The following SOHLH2 variants were observed in gnomAD, a reference collection of about 807,000 sequenced individuals.
The protein encoded by SOHLH2 is spermatogenesis- and oogenesis-specific basic helix-loop-helix-containing protein 2.
SOHLH2 carries 22 observed loss-of-function variants against 50.4 expected under a neutral mutation model. That is an observed-to-expected ratio of 0.44 (90% CI 0.31 to 0.62). The LOEUF is 0.62. Among genes scored for constraint, SOHLH2 ranks in the 20% least tolerant of loss-of-function variants. The probability of loss-of-function intolerance (pLI) is 0.08; values close to 1 mark genes in which losing one functional copy is unlikely to be tolerated. For synonymous variants in SOHLH2, 185 were observed against 187.3 expected, an observed-to-expected ratio of 0.99 and a Z score of 0.10; for missense variants, 412 against 504.4, an observed-to-expected ratio of 0.82 and a Z score of 1.76.
In SOHLH2 at chr13:36,187,520, C is replaced by A. The variant is rs537929140; in HGVS notation, c.641+2426G>T. On this transcript the variant is annotated intron_variant, in intron 6 of 10. Coordinates refer to ENST00000379881, the MANE Select transcript of SOHLH2 (RefSeq NM_017826.3). ...TGGCCAGCGGGCCCTAAGTCTTGAC[C>A]TAGCAAGGCAGCAGTCATGGGAATG... Among the ~76,000 whole-genome samples the A allele has an allele frequency of 3.3e-5, 5 of 152,260 alleles. No individual in the cohort carries two copies. The East Asian group carries it at 7.8e-4, about 24-fold the overall frequency.
chr13:36,204,953 C>T (rs1480173082), intron 1 of SOHLH2, among the ~76,000 whole-genome samples: 1 of 152,110 alleles, frequency 6.6e-6, no homozygotes, highest in Non-Finnish European at 1.5e-5. Flanking sequence ...ACTTTCATAT[C>T]GATTTTGCAT....
At chr13:36,180,033 T>G (rs1321966827) in intron 6 of SOHLH2, among the ~76,000 whole-genome samples, 1 of 152,218 alleles carries the variant, frequency 6.6e-6, no homozygotes, top group Non-Finnish European at 1.5e-5. Context: ...GAGTGTTTTC[T>G]CTTTGGTAAG....
At chr13:36,188,977 C>A (rs528973451) in intron 6 of SOHLH2, among the ~76,000 whole-genome samples, 1 of 152,288 alleles carries the variant, frequency 6.6e-6, no homozygotes, top group South Asian at 2.1e-4. Flanking sequence ...TCAAGCTCAA[C>A]AAGAGTAAAA....
intron 2 of SOHLH2, among the ~76,000 whole-genome samples, chr13:36,196,079 A>G (rs1312122774): frequency 1.4e-5 from 2 of 145,592 alleles, no homozygotes; most frequent in African/African-American, 2.6e-5. Flanking sequence ...ATAAATATAT[A>G]CATTTTAGAC....
intron 8 of SOHLH2, 145 bp downstream of exon 8, chr13:36,174,331 A>T: frequency 1.1e-6 from 1 of 944,440 alleles, no homozygotes; most frequent in Non-Finnish European, 1.6e-6. Context: ...ACGAAATGAT[A>T]CACATCGGCA....
At chr13:36,202,641 A>C (rs1868495561) in intron 1 of SOHLH2, among the ~76,000 whole-genome samples, 1 of 152,216 alleles carries the variant, frequency 6.6e-6, no homozygotes, top group Admixed American at 6.5e-5. Context: ...AGATATTTTC[A>C]AGTATATTCA....
At chr13:36,175,797 A>T (rs2138271048) in intron 6 of SOHLH2, among the ~76,000 whole-genome samples, 1 of 152,184 alleles carries the variant, frequency 6.6e-6, no homozygotes, top group South Asian at 2.1e-4. Context: ...GCTCTGAGGA[A>T]CTCTGGGGGC....
chr13:36,195,389 G>A (rs1414362081), intron 2 of SOHLH2, among the ~76,000 whole-genome samples: 3 of 152,154 alleles, frequency 2.0e-5, no homozygotes, highest in African/African-American at 7.2e-5. Context: ...GAAGGTACAA[G>A]ATGTCCAGGA....
At chr13:36,203,712 T>C (rs574640411) in intron 1 of SOHLH2, among the ~76,000 whole-genome samples, 1 of 152,316 alleles carries the variant, frequency 6.6e-6, no homozygotes, top group African/African-American at 2.4e-5. Context: ...TTTTGTATTG[T>C]GAGCAAAAAA....
chr13:36,188,787 T>C (rs1325197601), intron 6 of SOHLH2, among the ~76,000 whole-genome samples: 1 of 152,180 alleles, frequency 6.6e-6, no homozygotes, highest in Non-Finnish European at 1.5e-5. Context: ...TAAGGTTCTT[T>C]TCTCCACTAG....
intron 2 of SOHLH2, 38 bp from the exon 3 acceptor site, chr13:36,193,905 C>A (rs1447144627): frequency 1.9e-6 from 3 of 1,571,016 alleles, no homozygotes; most frequent in South Asian, 1.2e-5. Context: ...GAAGCAAAAT[C>A]ATTATTCAAA....
intron 6 of SOHLH2, among the ~76,000 whole-genome samples, chr13:36,175,154 C>T (rs1887066734): frequency 6.6e-6 from 1 of 152,228 alleles, no homozygotes; most frequent in Non-Finnish European, 1.5e-5. Flanking sequence ...AGGCCTGCTG[C>T]AGAGCGCAGG....
chr13:36,183,168 A>G, intron 6 of SOHLH2: 1 of 388,788 alleles, frequency 2.6e-6, no homozygotes. Context: ...GGCTCACCAG[A>G]AACAGAAGCT....
At chr13:36,191,989 C>T in intron 4 of SOHLH2, 95 bp from the exon 5 acceptor site, 6 of 1,290,642 alleles carry the variant, frequency 4.6e-6, no homozygotes, top group Non-Finnish European at 6.5e-6. Context: ...ATGCAGTTGT[C>T]TTTTACTCAA....
intron 2 of SOHLH2, among the ~76,000 whole-genome samples, chr13:36,200,788 C>T (rs1489216435): frequency 6.6e-6 from 1 of 151,980 alleles, no homozygotes; most frequent in East Asian, 1.9e-4. Flanking sequence ...TGGTGGCTCA[C>T]CCCTGTAATC....
At chr13:36,209,691 C>A (rs943418599) in intron 1 of SOHLH2, among the ~76,000 whole-genome samples, 1 of 152,210 alleles carries the variant, frequency 6.6e-6, no homozygotes, top group South Asian at 2.1e-4. Flanking sequence ...GTAGAGGGCA[C>A]AAACATTCAG....
chr13:36,208,858 A>C (rs1310559353), intron 1 of SOHLH2, among the ~76,000 whole-genome samples: 1 of 152,206 alleles, frequency 6.6e-6, no homozygotes, highest in Admixed American at 6.5e-5. Flanking sequence ...TAAGGTCAAA[A>C]TCACTTTGTC....
chr13:36,203,877 G>A (rs1868581452), intron 1 of SOHLH2, among the ~76,000 whole-genome samples: 1 of 150,680 alleles, frequency 6.6e-6, no homozygotes, highest in South Asian at 2.1e-4. Context: ...ATTGCTTTGT[G>A]GGAGTTTATA....
At chr13:36,191,650 AGTTGAATACTT>A in intron 5 of SOHLH2, 134 bp downstream of exon 5, 1 of 877,086 alleles carries the variant, frequency 1.1e-6, no homozygotes, top group Non-Finnish European at 1.7e-6. Context: ...CCTTATATTA[AGTTGAATACTT>A]CTGTAATGTG....
Sources: gnomAD v4.1 joint callset for allele counts (sites outside exome capture counted in the v4.1 genomes callset) on GRCh38, gnomAD v4.1.1 for gene constraint, MANE v1.5 for transcripts, NCBI Gene and HGNC (gene_info 2026-07-23, HGNC 2026-07-21) for gene names.